The following NIN variants were observed in gnomAD, a reference collection of about 807,000 sequenced individuals.
The protein encoded by NIN is ninein.
NIN carries 137 observed loss-of-function variants against 257.6 expected under a neutral mutation model. The ratio of observed to expected loss-of-function variants is 0.53; its 90% confidence interval spans 0.46 to 0.61. The LOEUF (loss-of-function observed/expected upper bound fraction) is 0.61, where lower values mean the gene tolerates loss of function less well. NIN is among the 20% of genes least tolerant of loss of function. NIN has a pLI of 0.00. For synonymous variants in NIN, 918 were observed against 919.8 expected (o/e 1.00, Z 0.04); for missense variants, 2,439 against 2,501.2 (o/e 0.98, Z 0.53).
chr14:50,768,072 C>T (rs1420021852), intron 12 of NIN, among the ~76,000 whole-genome samples: 1 of 149,462 alleles, frequency 6.7e-6, no homozygotes, highest in Non-Finnish European at 1.5e-5. Flanking sequence ...CACACACACA[C>T]ACACACACAC....
At chr14:50,728,653 A>T (rs1204800927) in intron 29 of NIN, among the ~76,000 whole-genome samples, 1 of 152,260 alleles carries the variant, frequency 6.6e-6, no homozygotes, top group Non-Finnish European at 1.5e-5. Context: ...TTAATGTAGA[A>T]TTCCACAAAG....
chr14:50,821,587 A>G (rs2045223607), intron 3 of NIN, among the ~76,000 whole-genome samples: 2 of 152,216 alleles, frequency 1.3e-5, no homozygotes, highest in African/African-American at 2.4e-5. Flanking sequence ...ATGTGGAGTC[A>G]ATAAAATAAA....
chr14:50,788,338 C>T (rs143113898), intron 5 of NIN, among the ~76,000 whole-genome samples: 24 of 152,326 alleles, frequency 1.6e-4, no homozygotes, highest in African/African-American at 5.3e-4. Flanking sequence ...AAGCCTGAAG[C>T]TTCACAGTGG....
In NIN at chr14:50,723,297, T is replaced by C; in HGVS notation, c.*166A>G. The C allele has an allele frequency of 2.0e-6, 1 of 511,260 alleles. No homozygotes were observed. The highest frequency in any genetic ancestry group is 3.4e-6 in the Non-Finnish European group (1 of 293,788). 31.7% of individuals were successfully genotyped at this position (511,260 alleles called of 1,614,324 possible). ...GTAGTGAAATATGTGAGTATTTATT[T>C]TCAAACTCCCATAAGGGTCTATTTA... On this transcript the variant is annotated 3_prime_UTR_variant, in exon 31 of 31. Coordinates refer to ENST00000530997, the MANE Select transcript of NIN (RefSeq NM_020921.4).
At chr14:50,778,912 T>G (rs1195908362) in intron 5 of NIN, 108 bp from the exon 6 acceptor site, 1 of 1,154,494 alleles carries the variant, frequency 8.7e-7, no homozygotes, top group Non-Finnish European at 1.3e-6. Context: ...ATCATCTAAG[T>G]GAGTCACATA....
intron 20 of NIN, among the ~76,000 whole-genome samples, chr14:50,753,198 G>C (rs1309684177): frequency 6.6e-6 from 1 of 152,112 alleles, no homozygotes; most frequent in Non-Finnish European, 1.5e-5. Context: ...TCAGGAGTTC[G>C]AGACCAGCCT....
chr14:50,791,427 C>A (rs1026731425), intron 5 of NIN, among the ~76,000 whole-genome samples: 1 of 152,038 alleles, frequency 6.6e-6, no homozygotes, highest in African/African-American at 2.4e-5. Flanking sequence ...ATCCACACTA[C>A]TCTTATACCA....
At chr14:50,794,014 T>C (rs938335376) in intron 4 of NIN, among the ~76,000 whole-genome samples, 2 of 152,220 alleles carry the variant, frequency 1.3e-5, no homozygotes, top group Non-Finnish European at 2.9e-5. Flanking sequence ...CTCAGACATG[T>C]AGACTTTTAA....
intron 9 of NIN, 146 bp downstream of exon 9, chr14:50,772,155 A>C: frequency 3.9e-6 from 3 of 768,880 alleles, no homozygotes; most frequent in Non-Finnish European, 6.0e-6. Context: ...AAGGGCTAAA[A>C]AAAAAGTTAC....
At chr14:50,767,920 CTG>C (rs1566826646) in intron 12 of NIN, among the ~76,000 whole-genome samples, 1 of 151,148 alleles carries the variant, frequency 6.6e-6, no homozygotes, top group Non-Finnish European at 1.5e-5. Context: ...GATATAAAAA[CTG>C]TACATATGAA....
chr14:50,817,844 T>C (rs1166836588), intron 3 of NIN, among the ~76,000 whole-genome samples: 2 of 151,862 alleles, frequency 1.3e-5, no homozygotes, highest in African/African-American at 4.8e-5. Context: ...GCCTCCCGAG[T>C]AGCTAGGATT....
chr14:50,790,298 C>G lies in NIN; in HGVS notation c.435+2414G>C, dbSNP rs539686954. ...CTTGAACTCCTGGGCTCAAGTGATC[C>G]TCCTGCCTTGGCCTCCCAAAGTGCT... On this transcript the variant is annotated intron_variant, in intron 5 of 30. Coordinates refer to ENST00000530997, the MANE Select transcript of NIN (RefSeq NM_020921.4). 7.4e-4 allele frequency among the ~76,000 whole-genome samples: 113 copies of G among 152,306 alleles called. 1 individual carries two copies. The South Asian group carries it at 8.7e-3, about 12-fold the overall frequency.
intron 21 of NIN, among the ~76,000 whole-genome samples, chr14:50,748,620 A>T (rs1388807123): frequency 6.6e-6 from 1 of 152,260 alleles, no homozygotes; most frequent in African/African-American, 2.4e-5. Flanking sequence ...CAACTTCAGC[A>T]AAGTCTCAGG....
At position 50,756,645 on chromosome 14, in the gene NIN, T is replaced by C. The variant is rs780105822; in HGVS notation, c.4385A>G (p.Gln1462Arg). ...CTCCTTCAACTTCCTAGTCAGCTCCTGTAACTTTGTTTTCTCCAGTTCTAA... is the reference window on the plus strand; with the variant it reads ...CTCCTTCAACTTCCTAGTCAGCTCCCGTAACTTTGTTTTCTCCAGTTCTAA... ...AELELEKTKL[Q>R]ELTRKLKERV... The change falls in exon 18 of 31, where the codon CAG (glutamine) becomes CGG (arginine). Residue 1462 changes from glutamine to arginine, a missense_variant. Coordinates refer to ENST00000530997, the MANE Select transcript of NIN (RefSeq NM_020921.4). The C allele has an allele frequency of 6.4e-7, 1 of 1,554,880 alleles. No individual in the cohort carries two copies. The highest frequency in any genetic ancestry group is 8.7e-7 in the Non-Finnish European group (1 of 1,148,278).
intron 14 of NIN, among the ~76,000 whole-genome samples, chr14:50,764,999 C>T (rs369243251): frequency 7.1e-6 from 1 of 141,456 alleles, no homozygotes; most frequent in East Asian, 2.1e-4. Flanking sequence ...GCTGGGTGGG[C>T]AGATCACCTG....
chr14:50,758,903 A>G lies in NIN; in HGVS notation c.2400-273T>C, dbSNP rs10145695. On this transcript the variant is annotated intron_variant, in intron 17 of 30. Coordinates refer to ENST00000530997, the MANE Select transcript of NIN (RefSeq NM_020921.4). ...ACTAATTTCTCTGGCACACTCCCGGATGTATTTGTTTATGGATTTTTAAAC... is the reference window on the plus strand; with the variant it reads ...ACTAATTTCTCTGGCACACTCCCGGGTGTATTTGTTTATGGATTTTTAAAC... Among the ~76,000 whole-genome samples, 45,325 of 152,108 alleles carry G rather than the reference A, an allele frequency of 0.3. 7,341 individuals carry two copies. Among genetic ancestry groups the G allele is most frequent in the East Asian group, 0.51 (2,656 of 5,170 alleles).
chr14:50,727,645 T>C, intron 29 of NIN: 1 of 1,443,832 alleles, frequency 6.9e-7, no homozygotes, highest in Non-Finnish European at 9.4e-7. Flanking sequence ...GGTGTGTGCA[T>C]CTGTCTGCCA....
chr14:50,816,060 G>T (rs893259883), intron 3 of NIN, among the ~76,000 whole-genome samples: 1 of 152,168 alleles, frequency 6.6e-6, no homozygotes, highest in African/African-American at 2.4e-5. Context: ...CATAGATGGA[G>T]CTGGGAGCCG....
At chr14:50,801,034 C>T (rs1252578002) in intron 4 of NIN, among the ~76,000 whole-genome samples, 1 of 149,728 alleles carries the variant, frequency 6.7e-6, no homozygotes, top group Non-Finnish European at 1.5e-5. Context: ...CGGAGTGATC[C>T]CACCTCAGCC....
Sources: gnomAD v4.1 joint callset for allele counts (sites outside exome capture counted in the v4.1 genomes callset) on GRCh38, gnomAD v4.1.1 for gene constraint, MANE v1.5 for transcripts, NCBI Gene and HGNC (gene_info 2026-07-23, HGNC 2026-07-21) for gene names.